The following KIF18A variants were observed in gnomAD, a reference collection of about 807,000 sequenced individuals.
KIF18A encodes the protein kinesin family member 18A, also known as kinesin-like protein KIF18A.
Under a neutral mutation model 103.3 loss-of-function variants are expected in KIF18A, and 67 were observed. The observed-to-expected ratio is 0.65, with a 90% CI of 0.53 to 0.79. The LOEUF is 0.79. KIF18A is among the 30% of genes least tolerant of loss of function. The pLI is 0.00. For synonymous variants in KIF18A, 367 were observed against 355.5 expected (o/e 1.03, Z -0.36); for missense variants, 1,032 against 1,062.5 (o/e 0.97, Z 0.40).
Position 28,088,593 on chromosome 11 carries a change from T to C in KIF18A, c.828A>G (p.Val276=). ...GTGATCTATTAATATTTGTGCCTTC[T>C]ACAAATCGGGTCCCCTTAGCACCGG... The part of the protein sequence containing the change: ...STSGAKGTRF[V]EGTNINRSLL... Residue 276 remains valine (V), a synonymous_variant, in exon 6 of 17, where the codon GTA becomes GTG. Coordinates refer to ENST00000263181, the MANE Select transcript of KIF18A (RefSeq NM_031217.4). 1.2e-6 allele frequency: 2 copies of C among 1,614,050 alleles called. No homozygotes were observed. The highest frequency in any genetic ancestry group is 1.7e-6 in the Non-Finnish European group (2 of 1,179,934).
intron 1 of KIF18A, among the ~76,000 whole-genome samples, chr11:28,106,604 G>C (rs953744755): frequency 1.3e-5 from 2 of 151,636 alleles, no homozygotes; most frequent in African/African-American, 4.8e-5. Flanking sequence ...AATTGATTTG[G>C]GGTATTTCTA....
At chr11:28,095,074 G>C (rs144556738) in intron 2 of KIF18A, among the ~76,000 whole-genome samples, 164 of 152,216 alleles carry the variant, frequency 1.1e-3, no homozygotes, top group African/African-American at 3.8e-3. Flanking sequence ...CTACAGATTA[G>C]TCTTCATCTT....
chr11:28,078,482 G>C (rs1183035280), intron 9 of KIF18A, among the ~76,000 whole-genome samples: 1 of 152,106 alleles, frequency 6.6e-6, no homozygotes, highest in African/African-American at 2.4e-5. Flanking sequence ...GGTGTTCACT[G>C]ATTAGGATGA....
At chr11:28,066,661 A>C (rs1295860055) in intron 11 of KIF18A, among the ~76,000 whole-genome samples, 3 of 151,624 alleles carry the variant, frequency 2.0e-5, no homozygotes. Flanking sequence ...GGAAATATGC[A>C]AAATTGTATA....
chr11:28,107,543 GCTAC>G (rs1182127974), intron 1 of KIF18A, among the ~76,000 whole-genome samples: 1 of 152,166 alleles, frequency 6.6e-6, no homozygotes, highest in Non-Finnish European at 1.5e-5. Context: ...TTATCTCGAT[GCTAC>G]CTACAACTGG....
intron 14 of KIF18A, 36 bp downstream of exon 14, chr11:28,036,180 TA>T (rs745632797): frequency 6.9e-4 from 931 of 1,351,846 alleles, no homozygotes; most frequent in South Asian, 9.3e-4. Flanking sequence ...AAGTCTATGT[TA>T]AAAAAAAAGA....
rs778703354 is a variant in KIF18A, at chr11:28,097,674, GT to G, written c.273del (p.Glu91AspfsTer12). ...CTACGAAGAATTGGCTTAGTAGTGT[GT>G]TCAAAAACTTCTGACTGAGTTGACG... is the stretch of plus-strand genomic sequence containing the variant. ...DETSTQSEVF[E>X]HTTKPILRSF... On this transcript the variant is annotated frameshift_variant, in exon 2 of 17. Coordinates refer to ENST00000263181, the MANE Select transcript of KIF18A (RefSeq NM_031217.4). LOFTEE classifies it high-confidence loss of function. The G allele has an allele frequency of 6.2e-7, 1 of 1,611,162 alleles. No homozygotes were observed. The highest frequency in any genetic ancestry group is 1.3e-5 in the African/African-American group (1 of 74,834).
Position 28,076,998 on chromosome 11 carries a change from G to GT in KIF18A, c.1425+8dup. On this transcript the variant is annotated intron_variant, in intron 10 of 16. Coordinates refer to ENST00000263181, the MANE Select transcript of KIF18A (RefSeq NM_031217.4). ...CTTTCTAAAATTTAATTATAAAATT[G>GT]TTAATTACCTTTTCTACTTTGTCTT... 2.6e-6 allele frequency: 2 copies of GT among 779,370 alleles called. No individual in the cohort carries two copies. Among genetic ancestry groups the GT allele is most frequent in the Admixed American group, 7.2e-5 (2 of 27,614 alleles). The allele number at this position is 779,370 out of a possible 1,614,324, so 48.3% of individuals were successfully genotyped here.
intron 1 of KIF18A, among the ~76,000 whole-genome samples, chr11:28,107,786 GA>G (rs1321533687): frequency 2.6e-5 from 4 of 152,202 alleles, no homozygotes; most frequent in Non-Finnish European, 5.9e-5. Context: ...AAGGGGCCAA[GA>G]TGCCCTTTAA....
intron 9 of KIF18A, 67 bp from the exon 10 acceptor site, chr11:28,077,236 A>G: frequency 9.1e-7 from 1 of 1,099,332 alleles, no homozygotes; most frequent in Non-Finnish European, 1.3e-6. Flanking sequence ...AGTTTACTTA[A>G]GAGAAATGCA....
intron 16 of KIF18A, among the ~76,000 whole-genome samples, chr11:28,023,362 C>T (rs894091193): frequency 3.3e-5 from 5 of 152,000 alleles, no homozygotes; most frequent in East Asian, 3.9e-4. Flanking sequence ...CAAAATATTA[C>T]GCTAAGAGAA....
intron 15 of KIF18A, among the ~76,000 whole-genome samples, chr11:28,025,231 A>G (rs1047526448): frequency 5.3e-5 from 8 of 152,212 alleles, no homozygotes; most frequent in African/African-American, 1.7e-4. Flanking sequence ...ACAAATTTGT[A>G]TGCACAAATA....
chr11:28,035,424 T>C lies in KIF18A; in HGVS notation c.2467A>G (p.Met823Val). 1 of 1,602,284 alleles carries C rather than the reference T, an allele frequency of 6.2e-7. No homozygotes were observed. Residue 823 changes from methionine (M) to valine (V), a missense_variant, in exon 15 of 17, where the codon ATG becomes GTG. Physicochemically the swap from Met to Val is conservative, Grantham distance 21. Coordinates refer to ENST00000263181, the MANE Select transcript of KIF18A (RefSeq NM_031217.4). Reference protein sequence around the residue: ...VPSMVPSYMAMTTAAKRKRKL... With the variant: ...VPSMVPSYMAVTTAAKRKRKL... ...CGTTTCCTTTTGGCAGCAGTAGTCA[T>C]TGCCATGTAGGATGGCACCATGCTT...
At position 28,062,496 on chromosome 11, in the gene KIF18A, A is replaced by T; in HGVS notation, c.1611T>A (p.His537Gln). 2 of 1,611,344 alleles carry T rather than the reference A, an allele frequency of 1.2e-6. No individual in the cohort carries two copies. The change falls in exon 12 of 17, where the codon CAT becomes CAA. Residue 537 changes from histidine to glutamine, a missense_variant. Coordinates refer to ENST00000263181, the MANE Select transcript of KIF18A (RefSeq NM_031217.4). Reference sequence around the variant, plus strand: ...TGTTCTGGAGGTGCAAATGGTGACAATGAAGATCTTTCTTGAGTTCCTAGG... The same window carrying T: ...TGTTCTGGAGGTGCAAATGGTGACATTGAAGATCTTTCTTGAGTTCCTAGG... ...HIPKELKKDLHCHHLHLQNKD... is the reference protein window; with the variant it reads ...HIPKELKKDLQCHHLHLQNKD...
chr11:28,100,454 A>G (rs182579943), intron 1 of KIF18A, among the ~76,000 whole-genome samples: 7 of 151,706 alleles, frequency 4.6e-5, no homozygotes, highest in African/African-American at 1.7e-4. Flanking sequence ...CCATCGAGAA[A>G]AGCAATTTTG....
Position 28,094,623 on chromosome 11 carries a change from A to C in KIF18A, c.483+20T>G. 6.4e-7 allele frequency: 1 copy of C among 1,559,028 alleles called. No individual in the cohort carries two copies. Among genetic ancestry groups the C allele is most frequent in the Non-Finnish European group, 8.8e-7 (1 of 1,133,064 alleles). ...CAATGATTTCCCAAAACTATTGATT[A>C]ATCTAAATTCCCAACTTACCTCCAG... On this transcript the variant is annotated intron_variant, in intron 3 of 16. Transcript: ENST00000263181.
intron 10 of KIF18A, chr11:28,076,482 T>C (rs1437294314): frequency 1.3e-5 from 2 of 152,230 alleles, no homozygotes; most frequent in African/African-American, 4.8e-5. Context: ...TTTTTGTTTA[T>C]TTCCTTTTTG....
intron 15 of KIF18A, among the ~76,000 whole-genome samples, chr11:28,025,299 T>C (rs997511084): frequency 1.3e-5 from 2 of 152,072 alleles, no homozygotes; most frequent in Non-Finnish European, 2.9e-5. Flanking sequence ...TATGATTCTG[T>C]TTTGCATATT....
chr11:28,059,905 C>A (rs1044853380), intron 12 of KIF18A, among the ~76,000 whole-genome samples: 2 of 151,948 alleles, frequency 1.3e-5, no homozygotes, highest in Non-Finnish European at 2.9e-5. Flanking sequence ...CACACACAAA[C>A]ACATAACAAA....
Sources: allele counts gnomAD v4.1 joint callset (sites outside exome capture counted in the v4.1 genomes callset), GRCh38; gene constraint gnomAD v4.1.1; transcripts MANE v1.5; gene names NCBI Gene and HGNC (gene_info 2026-07-23, HGNC 2026-07-21).